Variants in C10orf67 observed in about 807,000 individuals in gnomAD.
C10orf67 encodes uncharacterized protein C10orf67, mitochondrial.
C10orf67 carries 60 observed loss-of-function variants against 35.6 expected under a neutral mutation model. The observed-to-expected ratio is 1.68, with a 90% CI of 1.37 to 2.09. C10orf67 has a LOEUF of 2.09. Ranked by LOEUF, C10orf67 falls within the 30% of genes most tolerant of loss-of-function variation. C10orf67 has a pLI of 0.00. For missense variants in C10orf67, 474 were observed against 330.2 expected (o/e 1.44, Z -3.38); for synonymous variants, 167 against 115.8 (o/e 1.44, Z -2.84).
chr10:23,215,037 A>T (rs542749458), intron 15 of C10orf67, among the ~76,000 whole-genome samples: 2 of 152,128 alleles, frequency 1.3e-5, no homozygotes, highest in South Asian at 4.1e-4. Flanking sequence ...AATAGAAAAC[A>T]TCAGGGGCAG....
chr10:23,236,141 C>T (rs564478088), intron 13 of C10orf67, among the ~76,000 whole-genome samples: 64 of 150,822 alleles, frequency 4.2e-4, no homozygotes, highest in African/African-American at 1.4e-3. Context: ...CCCAGCTACT[C>T]GGGAGGCTGA....
intron 15 of C10orf67, among the ~76,000 whole-genome samples, chr10:23,205,027 G>A (rs998096829): frequency 4.4e-4 from 67 of 152,328 alleles, no homozygotes; most frequent in African/African-American, 1.5e-3. Context: ...CCGGGGCAGT[G>A]GGAGAGGGGA....
At chr10:23,280,538 C>T (rs964609215) in intron 8 of C10orf67, among the ~76,000 whole-genome samples, 1 of 152,166 alleles carries the variant, frequency 6.6e-6, no homozygotes, top group Non-Finnish European at 1.5e-5. Context: ...ACCTCCATCA[C>T]AAGAAGAACC....
chr10:23,261,835 A>G (rs887600033), intron 10 of C10orf67, among the ~76,000 whole-genome samples: 1 of 152,222 alleles, frequency 6.6e-6, no homozygotes, highest in Admixed American at 6.5e-5. Flanking sequence ...ATCAATTTTC[A>G]TGATGAACAA....
chr10:23,221,673 A>T (rs1841584768), intron 15 of C10orf67, among the ~76,000 whole-genome samples: 1 of 152,210 alleles, frequency 6.6e-6, no homozygotes, highest in African/African-American at 2.4e-5. Flanking sequence ...GTCCAGCCTG[A>T]ATGCGTGAAA....
At position 23,333,102 on chromosome 10, in the gene C10orf67, G is replaced by A; in HGVS notation, c.287C>T (p.Ser96Leu). 1.2e-6 allele frequency: 2 copies of A among 1,611,516 alleles called. No homozygotes were observed. Among genetic ancestry groups the A allele is most frequent in the East Asian group, 2.2e-5 (1 of 44,794 alleles). The change falls in exon 2 of 16, where the codon TCA (serine) becomes TTA (leucine). Residue 96 changes from serine (S) to leucine (L), a missense_variant. Transcript: ENST00000636213. ...ATQTDSSEILSVKELSSSTQK... is the reference protein window; with the variant it reads ...ATQTDSSEILLVKELSSSTQK... ...CGTAGATGAACTCAATTCTTTTACT[G>A]ACAGTATTTCACTGGAATCAGTTTG...
chr10:23,337,201 A>G (rs551939466), intron 1 of C10orf67, among the ~76,000 whole-genome samples: 1 of 152,326 alleles, frequency 6.6e-6, no homozygotes, highest in South Asian at 2.1e-4. Context: ...AAAAGCAGAG[A>G]ATTACCACAT....
At chr10:23,311,636 G>C (rs564146214) in intron 4 of C10orf67, among the ~76,000 whole-genome samples, 1 of 152,020 alleles carries the variant, frequency 6.6e-6, no homozygotes, top group Non-Finnish European at 1.5e-5. Flanking sequence ...GCTTGAACCC[G>C]GGAGGCAGAG....
intron 8 of C10orf67, among the ~76,000 whole-genome samples, chr10:23,267,546 C>A (rs1236302022): frequency 1.3e-5 from 2 of 152,158 alleles, no homozygotes; most frequent in Non-Finnish European, 2.9e-5. Context: ...GCATTATTTG[C>A]TTATGAGGTG....
intron 15 of C10orf67, among the ~76,000 whole-genome samples, chr10:23,207,451 G>C (rs924328114): frequency 2.1e-5 from 3 of 143,884 alleles, no homozygotes; most frequent in Non-Finnish European, 4.8e-5. Context: ...AATATGAAAG[G>C]CATGCTAATG....
intron 1 of C10orf67, among the ~76,000 whole-genome samples, chr10:23,340,320 C>T (rs1484084018): frequency 1.5e-5 from 2 of 133,344 alleles, no homozygotes; most frequent in East Asian, 2.1e-4. Context: ...GCCTGGGCAA[C>T]GTGGTGAAGC....
intron 4 of C10orf67, among the ~76,000 whole-genome samples, chr10:23,311,828 TA>T (rs1194719533): frequency 6.6e-6 from 1 of 152,214 alleles, no homozygotes; most frequent in Non-Finnish European, 1.5e-5. Flanking sequence ...CTTTCTAAAA[TA>T]AAATTTCTAT....
chr10:23,207,506 G>A (rs931436106), intron 15 of C10orf67, among the ~76,000 whole-genome samples: 3 of 152,176 alleles, frequency 2.0e-5, no homozygotes, highest in Non-Finnish European at 2.9e-5. Flanking sequence ...GATAGTTACC[G>A]TATTCAGCCT....
intron 7 of C10orf67, among the ~76,000 whole-genome samples, chr10:23,284,786 G>C (rs994020481): frequency 6.6e-6 from 1 of 152,128 alleles, no homozygotes. Context: ...TTGTGGAACT[G>C]TTTATGAAGG....
At position 23,292,375 on chromosome 10, in the gene C10orf67, A is replaced by G. The variant is rs570069531; in HGVS notation, c.703-1096T>C. Among the ~76,000 whole-genome samples the G allele has an allele frequency of 5.9e-5, 9 of 152,228 alleles. 1 individual carries two copies. The South Asian group carries it at 1.9e-3, about 32-fold the overall frequency. Reference sequence around the variant, plus strand: ...TGCAATCTCAAAATATTATTATGCCAAAGGAGATAGAAGATTCTACATGCC... The same window carrying G: ...TGCAATCTCAAAATATTATTATGCCGAAGGAGATAGAAGATTCTACATGCC... On this transcript the variant is annotated intron_variant, in intron 5 of 15. Coordinates refer to ENST00000636213, the MANE Select transcript of C10orf67 (RefSeq NM_001371909.1).
Position 23,251,113 on chromosome 10 carries a change from C to T in C10orf67, c.1201-422G>A, listed in dbSNP as rs775130304. Among the ~76,000 whole-genome samples, 89 of 151,694 alleles carry T rather than the reference C, an allele frequency of 5.9e-4. 1 individual carries two copies. The highest frequency in any genetic ancestry group is 2.1e-3 in the African/African-American group (88 of 41,276). ...CCCTGTCTCAAAAAAATTTTTTTTT[C>T]GAGAGAACAATGAGTTATATTTACT... is the stretch of plus-strand genomic sequence containing the variant. On this transcript the variant is annotated intron_variant, in intron 10 of 15. Transcript: ENST00000636213.
At chr10:23,218,870 T>G (rs1385450732) in intron 15 of C10orf67, among the ~76,000 whole-genome samples, 1 of 152,172 alleles carries the variant, frequency 6.6e-6, no homozygotes, top group Non-Finnish European at 1.5e-5. Flanking sequence ...CTTAACAAAT[T>G]ATATCCATTA....
intron 8 of C10orf67, among the ~76,000 whole-genome samples, chr10:23,270,569 C>T (rs748195889): frequency 6.6e-6 from 1 of 152,316 alleles, no homozygotes; most frequent in Non-Finnish European, 1.5e-5. Context: ...ATCCAGGTAG[C>T]CAAGCAGCTT....
intron 7 of C10orf67, among the ~76,000 whole-genome samples, chr10:23,287,450 C>T (rs1843579319): frequency 6.6e-6 from 1 of 152,190 alleles, no homozygotes; most frequent in Non-Finnish European, 1.5e-5. Flanking sequence ...TGGACCCTTT[C>T]CTTACACCTT....
Sources: allele counts gnomAD v4.1 joint callset (sites outside exome capture counted in the v4.1 genomes callset), GRCh38; gene constraint gnomAD v4.1.1; transcripts MANE v1.5; gene names NCBI Gene and HGNC (gene_info 2026-07-23, HGNC 2026-07-21).